Variants in ARHGEF3 observed in about 807,000 individuals in gnomAD.
ARHGEF3 encodes the protein 59.8 kDA protein.
Under a neutral mutation model 63.2 loss-of-function variants are expected in ARHGEF3, and 28 were observed. The ratio of observed to expected loss-of-function variants is 0.44; its 90% CI spans 0.33 to 0.61. The LOEUF (loss-of-function observed/expected upper bound fraction) is 0.61, where lower values mean the gene tolerates loss of function less well. ARHGEF3 is among the 20% of genes least tolerant of loss of function. The pLI, the probability that ARHGEF3 is intolerant of heterozygous loss-of-function variation, is 0.03. For synonymous variants in ARHGEF3, 266 were observed against 254.2 expected, an observed-to-expected ratio of 1.05 and a Z score of -0.44; for missense variants, 533 against 659.3, an observed-to-expected ratio of 0.81 and a Z score of 2.10.
chr3:56,914,198 G>T (rs2108346609), intron 3 of ARHGEF3, among the ~76,000 whole-genome samples: 1 of 152,276 alleles, frequency 6.6e-6, no homozygotes, highest in African/African-American at 2.4e-5. Flanking sequence ...GATGATGGGT[G>T]CAACAAAATT....
chr3:56,942,850 A>G (rs996502691), intron 3 of ARHGEF3, among the ~76,000 whole-genome samples: 2 of 152,344 alleles, frequency 1.3e-5, no homozygotes, highest in South Asian at 4.1e-4. Flanking sequence ...AGTGGTGTGG[A>G]TAAAAGATCA....
chr3:56,796,386 T>C (rs1015430083), intron 1 of ARHGEF3, among the ~76,000 whole-genome samples: 8 of 152,146 alleles, frequency 5.3e-5, no homozygotes, highest in African/African-American at 1.9e-4. Flanking sequence ...GTGGTTAATA[T>C]AGATAAGCAA....
chr3:56,918,268 C>T (rs747929553), intron 3 of ARHGEF3, among the ~76,000 whole-genome samples: 34 of 152,210 alleles, frequency 2.2e-4, no homozygotes, highest in Non-Finnish European at 4.3e-4. Flanking sequence ...TGACAAGCCA[C>T]TTCAAGGAGT....
Position 56,778,034 on chromosome 3 carries a change from C to G in ARHGEF3, c.97-4218G>C, listed in dbSNP as rs76377645. On this transcript the variant is annotated intron_variant, in intron 1 of 9. Transcript: ENST00000296315. ...CCAGGTGGTGTGTGGAAACTGTACT[C>G]CCAAGGGTCATGTTTAATCCACCCA... is the stretch of plus-strand genomic sequence containing the variant. Among the ~76,000 whole-genome samples, 48 of 152,250 alleles carry G rather than the reference C, an allele frequency of 3.2e-4. No homozygotes were observed. The East Asian group carries it at 9.3e-3, about 29-fold the overall frequency.
chr3:56,804,958 A>T (rs148023943), upstream of ARHGEF3, among the ~76,000 whole-genome samples: 179 of 152,202 alleles, frequency 1.2e-3, no homozygotes, highest in African/African-American at 4.2e-3. Context: ...GCCACTTCTT[A>T]TTCCTCTTTC....
chr3:56,854,476 A>G (rs2039799226), intron 4 of ARHGEF3, among the ~76,000 whole-genome samples: 2 of 152,178 alleles, frequency 1.3e-5, no homozygotes, highest in Non-Finnish European at 2.9e-5. Flanking sequence ...GCGGGAACCC[A>G]ACTTGTGTTT....
At chr3:56,741,271 C>T (rs1429807660) in intron 7 of ARHGEF3, among the ~76,000 whole-genome samples, 6 of 150,044 alleles carry the variant, frequency 4.0e-5, no homozygotes, top group Non-Finnish European at 2.9e-5. Flanking sequence ...CTGCAACCTC[C>T]GCCTCCCGGG....
chr3:56,752,404 A>G (rs1044266399), intron 4 of ARHGEF3, among the ~76,000 whole-genome samples: 1 of 152,258 alleles, frequency 6.6e-6, no homozygotes, highest in African/African-American at 2.4e-5. Context: ...GTCACAAGAC[A>G]GCAAAAAGCC....
In ARHGEF3 at chr3:56,937,016, G is replaced by A. The variant is rs1698939680; in HGVS notation, c.129+21807C>T. Reference sequence around the variant, plus strand: ...TTACAGGCATGAGCCACTGTGCCCAGCCTCCAAAGTTTCAAAAGACAAATT... The same window carrying A: ...TTACAGGCATGAGCCACTGTGCCCAACCTCCAAAGTTTCAAAAGACAAATT... On this transcript the variant is annotated intron_variant, in intron 3 of 12. Transcript: ENST00000338458. 4.6e-5 allele frequency among the ~76,000 whole-genome samples: 7 copies of A among 152,336 alleles called. No homozygotes were observed. In the South Asian group the frequency reaches 1.4e-3, roughly 32 times the overall value.
intron 4 of ARHGEF3, among the ~76,000 whole-genome samples, chr3:56,829,644 CTT>C (rs1268923467): frequency 6.6e-6 from 1 of 152,240 alleles, no homozygotes; most frequent in Admixed American, 6.5e-5. Flanking sequence ...CCTTGACACT[CTT>C]TTCTGTGGAA....
At chr3:56,981,925 T>C (rs1701342768) in intron 2 of ARHGEF3, among the ~76,000 whole-genome samples, 1 of 152,194 alleles carries the variant, frequency 6.6e-6, no homozygotes, top group South Asian at 2.1e-4. Flanking sequence ...TTTGGGACAC[T>C]GTGATTCAGG....
At chr3:56,894,233 G>T (rs2041221333) in intron 3 of ARHGEF3, among the ~76,000 whole-genome samples, 1 of 152,142 alleles carries the variant, frequency 6.6e-6, no homozygotes, top group African/African-American at 2.4e-5. Context: ...AATCACCTGG[G>T]TCCGCTCAAC....
intron 2 of ARHGEF3, among the ~76,000 whole-genome samples, chr3:56,990,203 G>A (rs952974140): frequency 1.3e-5 from 2 of 152,218 alleles, no homozygotes; most frequent in Non-Finnish European, 2.9e-5. Flanking sequence ...AATACCAGAG[G>A]TGGGGTAGAA....
chr3:56,864,606 G>C (rs751506717), intron 4 of ARHGEF3, among the ~76,000 whole-genome samples: 2 of 152,152 alleles, frequency 1.3e-5, no homozygotes, highest in Non-Finnish European at 2.9e-5. Context: ...TGCCTGGTTT[G>C]CTCACCATGT....
At chr3:56,830,439 G>T (rs1253702168) in intron 4 of ARHGEF3, among the ~76,000 whole-genome samples, 1 of 151,018 alleles carries the variant, frequency 6.6e-6, no homozygotes, top group Non-Finnish European at 1.5e-5. Context: ...AGCCTAAACT[G>T]TCATCATCTC....
chr3:56,851,378 A>G (rs940584957), intron 4 of ARHGEF3, among the ~76,000 whole-genome samples: 22 of 152,138 alleles, frequency 1.4e-4, no homozygotes, highest in African/African-American at 5.1e-4. Flanking sequence ...CTTTCCTTCA[A>G]TACTATTGTC....
intron 1 of ARHGEF3, among the ~76,000 whole-genome samples, chr3:56,797,043 C>G (rs115838445): frequency 6.6e-6 from 1 of 151,964 alleles, no homozygotes; most frequent in Non-Finnish European, 1.5e-5. Context: ...TGAGCACTTA[C>G]GACATGCTAG....
intron 1 of ARHGEF3, among the ~76,000 whole-genome samples, chr3:57,056,384 C>CA (rs10666149): frequency 0.28 from 30,447 of 108,060 alleles, 4,845 homozygotes; most frequent in Non-Finnish European, 0.32. Context: ...AAGACTCCAT[C>CA]AAAAAAAAAA....
chr3:56,863,364 A>G (rs895493534), intron 4 of ARHGEF3, among the ~76,000 whole-genome samples: 3 of 151,286 alleles, frequency 2.0e-5, no homozygotes, highest in Non-Finnish European at 2.9e-5. Flanking sequence ...CAGTGGTGCA[A>G]TCTTGGCTCA....
Sources: gnomAD v4.1 joint callset for allele counts (sites outside exome capture counted in the v4.1 genomes callset) on GRCh38, gnomAD v4.1.1 for gene constraint, MANE v1.5 for transcripts, NCBI Gene and HGNC (gene_info 2026-07-23, HGNC 2026-07-21) for gene names.